FUBP3: variants seen among roughly 807,000 people sequenced by gnomAD.
The protein encoded by FUBP3 is far upstream element-binding protein 3.
FUBP3 carries 28 observed loss-of-function variants against 85.6 expected under a neutral mutation model. That is an observed-to-expected ratio of 0.33 (90% CI 0.24 to 0.45). The LOEUF (loss-of-function observed/expected upper bound fraction) is 0.45. Among genes scored for constraint, FUBP3 ranks in the 20% least tolerant of loss-of-function variants. FUBP3 has a pLI of 1.00. For synonymous variants in FUBP3, 271 were observed against 271.4 expected, an observed-to-expected ratio of 1.00 and a Z score of 0.01; for missense variants, 583 against 755.1, an observed-to-expected ratio of 0.77 and a Z score of 2.67.
intron 2 of FUBP3, among the ~76,000 whole-genome samples, chr9:130,598,769 C>T (rs913713151): frequency 6.6e-6 from 1 of 152,206 alleles, no homozygotes; most frequent in Non-Finnish European, 1.5e-5. Flanking sequence ...CGAATTTTTA[C>T]AATCAAGTGA....
intron 13 of FUBP3, 58 bp from the exon 14 acceptor site, chr9:130,631,499 G>A: frequency 6.6e-7 from 1 of 1,509,444 alleles, no homozygotes; most frequent in South Asian, 1.1e-5. Context: ...GTGGGCCTGG[G>A]CAGAGGAAAG....
Position 130,612,560 on chromosome 9 carries a change from C to A in FUBP3, c.274+55C>A, listed in dbSNP as rs1588143059. Reference sequence around the variant, plus strand: ...TGATTCCTGTCTCTTCTTTTTCTCTCTTTTTTTCTGAGCTGCTTTGCCAGG... The same window carrying A: ...TGATTCCTGTCTCTTCTTTTTCTCTATTTTTTTCTGAGCTGCTTTGCCAGG... On this transcript the variant is annotated intron_variant, in intron 4 of 18. Transcript: ENST00000319725. This position sits in a 1 kb window ranked among gnomAD's most constrained non-coding sequence, Gnocchi z 4.1. The A allele has an allele frequency of 1.8e-6, 2 of 1,107,444 alleles. No individual in the cohort carries two copies. Among genetic ancestry groups the A allele is most frequent in the East Asian group, 2.3e-5 (1 of 42,624 alleles). The allele number at this position is 1,107,444 out of a possible 1,614,324, so 68.6% of individuals were successfully genotyped here.
chr9:130,580,488 T>G (rs1564184555), intron 1 of FUBP3, among the ~76,000 whole-genome samples: 1 of 152,250 alleles, frequency 6.6e-6, no homozygotes, highest in Non-Finnish European at 1.5e-5. Context: ...GGCATGGTAC[T>G]TAGAACAGAA....
chr9:130,633,353 C>T (rs1830291031), intron 16 of FUBP3, among the ~76,000 whole-genome samples: 1 of 152,226 alleles, frequency 6.6e-6, no homozygotes, highest in South Asian at 2.1e-4. Context: ...GCTCGCTTGG[C>T]CATAGGGGCT....
At chr9:130,605,361 TGAA>T (rs947894935) in intron 2 of FUBP3, among the ~76,000 whole-genome samples, 8 of 152,156 alleles carry the variant, frequency 5.3e-5, no homozygotes, top group African/African-American at 1.9e-4. Context: ...ACTTGTGAGA[TGAA>T]GAATGATCAA....
Position 130,609,048 on chromosome 9 carries a change from A to C in FUBP3, c.191-906A>C, listed in dbSNP as rs186405335. 9.1e-4 allele frequency among the ~76,000 whole-genome samples: 139 copies of C among 152,240 alleles called. 2 individuals are homozygous for C. Among genetic ancestry groups the C allele is most frequent in the Middle Eastern group, 6.8e-3 (2 of 294 alleles). On this transcript the variant is annotated intron_variant, in intron 2 of 18. Coordinates refer to ENST00000319725, the MANE Select transcript of FUBP3 (RefSeq NM_003934.2). ...CGTATTTCTGAATGCCCTTTTTAGC[A>C]TGTTGTAAGGTGCATTTGGTTCTTT...
rs1830368174 is a variant in FUBP3 at position 130,635,111 on chromosome 9, C to T, written c.1582+373C>T. On this transcript the variant is annotated intron_variant, in intron 17 of 18. Coordinates refer to ENST00000319725, the MANE Select transcript of FUBP3 (RefSeq NM_003934.2). This position sits in a 1 kb window ranked among gnomAD's most constrained non-coding sequence, Gnocchi z 4.3. ...CTGGCCGGCAAACAGACCAACCAGA[C>T]ATCTTGTTCTCTGTCTTGGTGCTTC... 6.6e-6 allele frequency among the ~76,000 whole-genome samples: 1 copy of T among 152,182 alleles called. No homozygotes were observed. Among genetic ancestry groups the T allele is most frequent in the African/African-American group, 2.4e-5 (1 of 41,442 alleles).
chr9:130,609,865 C>T lies in FUBP3; in HGVS notation c.191-89C>T, dbSNP rs1831650750. The T allele has an allele frequency of 5.0e-6, 5 of 1,005,830 alleles. No homozygotes were observed. In the South Asian group the frequency reaches 6.6e-5, roughly 13 times the overall value. 62.3% of individuals were successfully genotyped at this position (1,005,830 alleles called of 1,614,324 possible). On this transcript the variant is annotated intron_variant, in intron 2 of 18. Coordinates refer to ENST00000319725, the MANE Select transcript of FUBP3 (RefSeq NM_003934.2). Reference sequence around the variant, plus strand: ...CTTTCTTTCTGCCTTTCTTTTCCACCCCACCCGAAATGGTAAGAATGGTAA... The same window carrying T: ...CTTTCTTTCTGCCTTTCTTTTCCACTCCACCCGAAATGGTAAGAATGGTAA...
At position 130,635,851 on chromosome 9, in the gene FUBP3, C is replaced by T; in HGVS notation, c.1583-148C>T. 7 of 768,016 alleles carry T rather than the reference C, an allele frequency of 9.1e-6. No individual in the cohort carries two copies. Among genetic ancestry groups the T allele is most frequent in the Non-Finnish European group, 1.5e-5 (7 of 472,982 alleles). The allele number at this position is 768,016 out of a possible 1,614,324, so 47.6% of individuals were successfully genotyped here. ...ACAGCACCTTTTGTAGCAAGCGCTC[C>T]TGCAACACCAGCCTCACCTCACTGC... On this transcript the variant is annotated intron_variant, in intron 17 of 18. Transcript: ENST00000319725. This position sits in a 1 kb window ranked among gnomAD's most constrained non-coding sequence, Gnocchi z 4.3.
At chr9:130,630,212 C>T (rs1017784706) in intron 12 of FUBP3, among the ~76,000 whole-genome samples, 3 of 152,220 alleles carry the variant, frequency 2.0e-5, no homozygotes, top group African/African-American at 4.8e-5. Context: ...GTCATGGAGG[C>T]GCCCTTGGCT....
intron 16 of FUBP3, among the ~76,000 whole-genome samples, chr9:130,633,282 A>G (rs1056601517): frequency 6.6e-6 from 1 of 152,164 alleles, no homozygotes; most frequent in South Asian, 2.1e-4. Flanking sequence ...AATATCTTAG[A>G]ACACTCTGCA....
At chr9:130,614,820 G>A (rs142788454) in intron 6 of FUBP3, among the ~76,000 whole-genome samples, 74 of 152,266 alleles carry the variant, frequency 4.9e-4, no homozygotes, top group African/African-American at 1.8e-3. Context: ...AGGGCCGTAC[G>A]GACTGGCCAG....
chr9:130,589,340 T>TATTA (rs1830481619), intron 1 of FUBP3, among the ~76,000 whole-genome samples: 2 of 151,658 alleles, frequency 1.3e-5, no homozygotes, highest in Admixed American at 6.6e-5. Context: ...TTACATTATT[T>TATTA]ATTTATTTAT....
At chr9:130,626,530 T>G in intron 12 of FUBP3, 25 bp downstream of exon 12, 1 of 1,610,702 alleles carries the variant, frequency 6.2e-7, no homozygotes, top group Non-Finnish European at 8.5e-7. Context: ...GGGTTTCACA[T>G]CCCCCCTCAG....
rs1830376419 is a variant in FUBP3, at chr9:130,635,361, G to T, written c.1582+623G>T. Among the ~76,000 whole-genome samples, 1 of 152,210 alleles carries T rather than the reference G, an allele frequency of 6.6e-6. No homozygotes were observed. The highest frequency in any genetic ancestry group is 2.4e-5 in the African/African-American group (1 of 41,446). ...ATATCCCACGATTACTAGACCGGAG[G>T]ACTGAGGGCTTGTTTAAAGAGGTAT... On this transcript the variant is annotated intron_variant, in intron 17 of 18. Coordinates refer to ENST00000319725, the MANE Select transcript of FUBP3 (RefSeq NM_003934.2). The surrounding 1 kb of genome is among the most constrained non-coding windows in gnomAD (Gnocchi z 4.3).
chr9:130,618,082 G>A (rs1832098812), intron 8 of FUBP3, among the ~76,000 whole-genome samples, 187 bp downstream of exon 8: 1 of 152,164 alleles, frequency 6.6e-6, no homozygotes, highest in African/African-American at 2.4e-5. Context: ...AGAGTCCTTA[G>A]CTACTTGTGG....
At chr9:130,610,774 T>A (rs895878318) in intron 3 of FUBP3, among the ~76,000 whole-genome samples, 3 of 152,250 alleles carry the variant, frequency 2.0e-5, no homozygotes, top group Non-Finnish European at 4.4e-5. Context: ...CCTAGGTGTT[T>A]GGGAGTTTCT....
chr9:130,607,781 T>G (rs1831533761), intron 2 of FUBP3, among the ~76,000 whole-genome samples: 1 of 152,180 alleles, frequency 6.6e-6, no homozygotes, highest in South Asian at 2.1e-4. Context: ...ACTCCAGCAT[T>G]TGCATGGAGG....
At chr9:130,589,691 ATATATATATATATATTTTTTTT>A (rs1444970348) in intron 1 of FUBP3, among the ~76,000 whole-genome samples, 81 of 28,968 alleles carry the variant, frequency 2.8e-3, no homozygotes, top group African/African-American at 0.011. Flanking sequence ...ATATATATAT[ATATATATATATATATTTTTTTT>A]TTTTTTTTTT....
Sources: gnomAD v4.1 joint callset for allele counts (sites outside exome capture counted in the v4.1 genomes callset) on GRCh38, gnomAD v4.1.1 for gene constraint, Gnocchi (gnomAD v3.1) non-coding constraint, MANE v1.5 for transcripts, NCBI Gene and HGNC (gene_info 2026-07-23, HGNC 2026-07-21) for gene names.